RHOBTB1: variants seen among roughly 807,000 people sequenced by gnomAD.
RHOBTB1 encodes the protein rho-related BTB domain-containing protein 1.
RHOBTB1 carries 40 observed loss-of-function variants against 71.6 expected under a neutral mutation model. That is an observed-to-expected ratio of 0.56 (90% CI 0.43 to 0.73). RHOBTB1 has a LOEUF of 0.73. Ranked by LOEUF, RHOBTB1 falls within the 30% of genes least tolerant of loss-of-function variation. RHOBTB1 has a pLI of 0.00. For synonymous variants in RHOBTB1, 319 were observed against 334.9 expected (o/e 0.95, Z 0.52); for missense variants, 797 against 894.0 (o/e 0.89, Z 1.38).
intron 5 of RHOBTB1, among the ~76,000 whole-genome samples, chr10:60,891,246 G>A (rs1270027762): frequency 6.6e-6 from 1 of 151,094 alleles, no homozygotes; most frequent in Non-Finnish European, 1.5e-5. Flanking sequence ...TGCTTGGAGA[G>A]CATAAAAAGT....
At chr10:60,971,752 C>G (rs1320592082) in intron 2 of RHOBTB1, among the ~76,000 whole-genome samples, 1 of 152,130 alleles carries the variant, frequency 6.6e-6, no homozygotes, top group East Asian at 1.9e-4. Flanking sequence ...ACAGAGTGAG[C>G]AGGCAACCTA....
At chr10:60,995,702 A>T (rs1310593918) in intron 1 of RHOBTB1, among the ~76,000 whole-genome samples, 5 of 152,220 alleles carry the variant, frequency 3.3e-5, no homozygotes, top group African/African-American at 1.2e-4. Flanking sequence ...AAAAAATCTC[A>T]GAAGTACACA....
At chr10:60,975,938 GT>G (rs1392768299) in intron 2 of RHOBTB1, among the ~76,000 whole-genome samples, 7 of 152,034 alleles carry the variant, frequency 4.6e-5, no homozygotes, top group Non-Finnish European at 8.8e-5. Flanking sequence ...AAATGAGGAA[GT>G]GGAAGGGAGG....
chr10:60,904,438 T>C (rs74575666), intron 4 of RHOBTB1, among the ~76,000 whole-genome samples: 1,869 of 152,272 alleles, frequency 0.012, 38 homozygotes, highest in African/African-American at 0.043. Context: ...CCCTCCATCC[T>C]CTTCTCTAGG....
In RHOBTB1 at chr10:60,943,955, A is replaced by C. The variant is rs1354900927; in HGVS notation, c.-62+16T>G. 6.6e-6 allele frequency: 1 copy of C among 151,252 alleles called. No homozygotes were observed. The highest frequency in any genetic ancestry group is 2.0e-4 in the East Asian group (1 of 5,048). The allele number at this position is 151,252 out of a possible 1,614,324, so 9.4% of individuals were successfully genotyped here. On this transcript the variant is annotated intron_variant, in intron 1 of 10. Transcript: ENST00000337910. ...AGAAGTTTCATAGCATAGAGCACTC[A>C]CGACACAGAACCTACCCTGAAGCCG...
intron 1 of RHOBTB1, among the ~76,000 whole-genome samples, chr10:60,998,931 A>G (rs1049527206): frequency 2.0e-5 from 3 of 152,244 alleles, no homozygotes; most frequent in African/African-American, 7.2e-5. Flanking sequence ...TAAACTGCTC[A>G]TCCTTGGGCA....
chr10:60,938,147 A>G (rs1351899722), intron 2 of RHOBTB1, among the ~76,000 whole-genome samples: 3 of 152,174 alleles, frequency 2.0e-5, no homozygotes, highest in African/African-American at 4.8e-5. Flanking sequence ...GAAAAAGACT[A>G]TTTTATCTCA....
chr10:60,967,610 G>A (rs1001361255), intron 2 of RHOBTB1, among the ~76,000 whole-genome samples: 1 of 152,042 alleles, frequency 6.6e-6, no homozygotes, highest in African/African-American at 2.4e-5. Flanking sequence ...AATGATGTTT[G>A]GAAGGGAAAC....
chr10:60,877,418 G>A (rs1448737471), intron 8 of RHOBTB1, among the ~76,000 whole-genome samples: 1 of 152,196 alleles, frequency 6.6e-6, no homozygotes, highest in Admixed American at 6.5e-5. Context: ...GAGCGAGAAA[G>A]CTGAGACACA....
At chr10:60,968,294 G>A (rs1237140993) in intron 2 of RHOBTB1, among the ~76,000 whole-genome samples, 6 of 152,130 alleles carry the variant, frequency 3.9e-5, no homozygotes, top group Admixed American at 3.9e-4. Context: ...GTGGCATGTG[G>A]TCAGGTGTAG....
At chr10:60,960,283 A>G (rs1221700434) in intron 2 of RHOBTB1, among the ~76,000 whole-genome samples, 1 of 152,214 alleles carries the variant, frequency 6.6e-6, no homozygotes. Context: ...TAGAATTTCC[A>G]TAGAATGTAA....
chr10:60,931,731 G>C (rs1355194110), intron 2 of RHOBTB1, among the ~76,000 whole-genome samples: 3 of 152,050 alleles, frequency 2.0e-5, no homozygotes, highest in African/African-American at 7.2e-5. Context: ...TAGAGAGCCT[G>C]CTAAACCTGT....
At chr10:60,913,561 TGGTA>T (rs1487930712) in intron 2 of RHOBTB1, among the ~76,000 whole-genome samples, 1 of 152,190 alleles carries the variant, frequency 6.6e-6, no homozygotes, top group Non-Finnish European at 1.5e-5. Flanking sequence ...GGTGTTAGAT[TGGTA>T]GGTCCTAAAC....
intron 2 of RHOBTB1, among the ~76,000 whole-genome samples, chr10:60,977,985 C>A (rs576248811): frequency 6.6e-6 from 1 of 152,116 alleles, no homozygotes; most frequent in South Asian, 2.1e-4. Context: ...AAGGTTGCCT[C>A]ATCTATAAAA....
At chr10:60,969,761 T>C (rs1388247972) in intron 2 of RHOBTB1, among the ~76,000 whole-genome samples, 2 of 152,138 alleles carry the variant, frequency 1.3e-5, no homozygotes, top group Non-Finnish European at 2.9e-5. Context: ...GTTCTAGAGT[T>C]GTTTACTAGG....
intron 4 of RHOBTB1, among the ~76,000 whole-genome samples, chr10:60,904,320 T>C (rs2082554709): frequency 6.6e-6 from 1 of 152,254 alleles, no homozygotes; most frequent in African/African-American, 2.4e-5. Flanking sequence ...TTGTTTAATT[T>C]GATTAATTTT....
At chr10:60,999,002 C>T (rs1266973321) in intron 1 of RHOBTB1, among the ~76,000 whole-genome samples, 2 of 152,176 alleles carry the variant, frequency 1.3e-5, no homozygotes, top group Non-Finnish European at 2.9e-5. Context: ...CCTGCCTCAC[C>T]AGATTATTAC....
At chr10:60,932,572 C>A (rs1426543645) in intron 2 of RHOBTB1, among the ~76,000 whole-genome samples, 1 of 149,852 alleles carries the variant, frequency 6.7e-6, no homozygotes, top group Non-Finnish European at 1.5e-5. Flanking sequence ...TTTGGAGGCC[C>A]TATCGTCCTC....
chr10:60,969,744 G>A (rs1462822008), intron 2 of RHOBTB1, among the ~76,000 whole-genome samples: 1 of 152,088 alleles, frequency 6.6e-6, no homozygotes, highest in African/African-American at 2.4e-5. Flanking sequence ...AATCTTGAGA[G>A]TCTTCAGTTC....
Sources: gnomAD v4.1 joint callset for allele counts (sites outside exome capture counted in the v4.1 genomes callset) on GRCh38, gnomAD v4.1.1 for gene constraint, MANE v1.5 for transcripts, NCBI Gene and HGNC (gene_info 2026-07-23, HGNC 2026-07-21) for gene names.